The following TNIK variants were observed in gnomAD, a reference collection of about 807,000 sequenced individuals.
The protein encoded by TNIK is TRAF2 and NCK interacting kinase.
A neutral mutation model predicts 191.3 loss-of-function variants in TNIK; 49 were observed. That is an observed-to-expected ratio of 0.26 (90% CI 0.20 to 0.32). The LOEUF (loss-of-function observed/expected upper bound fraction) is 0.32, where lower values mean the gene tolerates loss of function less well. Among genes scored for constraint, TNIK ranks in the 10% least tolerant of loss-of-function variants. The pLI is 1.00. For synonymous variants in TNIK, 594 were observed against 600.9 expected (o/e 0.99, Z 0.17); for missense variants, 1,155 against 1,702.3 (o/e 0.68, Z 5.66).
chr3:171,149,889 G>A (rs1732199636), intron 12 of TNIK, among the ~76,000 whole-genome samples: 1 of 152,224 alleles, frequency 6.6e-6, no homozygotes, highest in African/African-American at 2.4e-5. Context: ...CTGCTCACAG[G>A]ACACACTGGG....
intron 9 of TNIK, among the ~76,000 whole-genome samples, chr3:171,168,916 A>C (rs1351610446): frequency 6.6e-6 from 1 of 152,218 alleles, no homozygotes; most frequent in Non-Finnish European, 1.5e-5. Context: ...GCCACCTTCA[A>C]GTCTGCACTT....
intron 32 of TNIK, among the ~76,000 whole-genome samples, chr3:171,065,286 C>T (rs945364212): frequency 6.6e-6 from 1 of 152,138 alleles, no homozygotes; most frequent in African/African-American, 2.4e-5. Flanking sequence ...TACTGTCCAC[C>T]CAGACCACAT....
chr3:171,333,595 A>G (rs1295347521), intron 2 of TNIK, among the ~76,000 whole-genome samples: 1 of 151,726 alleles, frequency 6.6e-6, no homozygotes, highest in Non-Finnish European at 1.5e-5. Flanking sequence ...AAAAAAAAAA[A>G]AAAAAAAAAC....
intron 7 of TNIK, among the ~76,000 whole-genome samples, chr3:171,180,130 G>A (rs1020555668): frequency 4.6e-5 from 7 of 152,138 alleles, no homozygotes; most frequent in Non-Finnish European, 2.9e-5. Context: ...TGATGGTTCT[G>A]GGGTAAGAAG....
At chr3:171,372,690 T>A (rs1440177806) in intron 1 of TNIK, among the ~76,000 whole-genome samples, 1 of 152,136 alleles carries the variant, frequency 6.6e-6, no homozygotes, top group Non-Finnish European at 1.5e-5. Flanking sequence ...CTGACACTGT[T>A]CAGCTGAGGA....
intron 12 of TNIK, among the ~76,000 whole-genome samples, chr3:171,141,929 G>C (rs1730900104): frequency 6.6e-6 from 1 of 152,212 alleles, no homozygotes; most frequent in Admixed American, 6.5e-5. Flanking sequence ...TGATAAGTTA[G>C]CTCTACACAA....
chr3:171,429,700 T>A (rs1725115223), intron 1 of TNIK, among the ~76,000 whole-genome samples: 1 of 152,202 alleles, frequency 6.6e-6, no homozygotes, highest in Non-Finnish European at 1.5e-5. Flanking sequence ...GCATTTTACA[T>A]TCTTACCTCC....
chr3:171,289,984 T>C (rs928660946), intron 2 of TNIK, among the ~76,000 whole-genome samples: 1 of 152,004 alleles, frequency 6.6e-6, no homozygotes, highest in African/African-American at 2.4e-5. Context: ...CTAGCTCTTC[T>C]AATACGATTC....
chr3:171,273,443 G>A (rs1416649139), intron 2 of TNIK, among the ~76,000 whole-genome samples: 1 of 152,110 alleles, frequency 6.6e-6, no homozygotes, highest in Non-Finnish European at 1.5e-5. Flanking sequence ...CTGGGGTAGG[G>A]GTGATGCAAG....
chr3:171,193,110 G>A (rs1019922775), intron 5 of TNIK, among the ~76,000 whole-genome samples: 1 of 152,126 alleles, frequency 6.6e-6, no homozygotes, highest in South Asian at 2.1e-4. Context: ...CACAGACCAG[G>A]TATCATCCAT....
intron 6 of TNIK, among the ~76,000 whole-genome samples, chr3:171,190,344 GA>G (rs1324878889): frequency 6.6e-6 from 1 of 152,016 alleles, no homozygotes; most frequent in African/African-American, 2.4e-5. Context: ...TATTTTAATG[GA>G]AAAAAATTGG....
chr3:171,329,749 T>C (rs1190263875), intron 2 of TNIK, among the ~76,000 whole-genome samples: 1 of 152,212 alleles, frequency 6.6e-6, no homozygotes, highest in African/African-American at 2.4e-5. Context: ...TAATTCATTT[T>C]TACAATATGA....
chr3:171,444,397 C>T (rs2108701683), intron 1 of TNIK, among the ~76,000 whole-genome samples: 1 of 152,114 alleles, frequency 6.6e-6, no homozygotes, highest in East Asian at 1.9e-4. Flanking sequence ...AGAAGTAGGG[C>T]TGAAAGAATT....
chr3:171,331,009 G>A (rs758143186), intron 2 of TNIK, among the ~76,000 whole-genome samples: 6 of 152,098 alleles, frequency 3.9e-5, no homozygotes, highest in East Asian at 1.9e-4. Flanking sequence ...TGCCCATTTC[G>A]CTTCTGTGAC....
intron 2 of TNIK, among the ~76,000 whole-genome samples, chr3:171,343,630 G>C (rs953182882): frequency 6.6e-6 from 1 of 152,204 alleles, no homozygotes; most frequent in African/African-American, 2.4e-5. Flanking sequence ...ACCTCTAGGT[G>C]AATGGGCATT....
At chr3:171,383,421 G>T (rs1044111324) in intron 1 of TNIK, among the ~76,000 whole-genome samples, 1 of 152,140 alleles carries the variant, frequency 6.6e-6, no homozygotes, top group African/African-American at 2.4e-5. Context: ...ATTGGGCAAC[G>T]TTCTCTGACT....
intron 5 of TNIK, among the ~76,000 whole-genome samples, chr3:171,192,835 A>C (rs1018309494): frequency 6.6e-6 from 1 of 152,240 alleles, no homozygotes; most frequent in African/African-American, 2.4e-5. Flanking sequence ...ATCAGCAGCC[A>C]GGCCTCCTTG....
intron 2 of TNIK, among the ~76,000 whole-genome samples, chr3:171,349,946 T>G (rs1010179032): frequency 6.6e-6 from 1 of 152,160 alleles, no homozygotes; most frequent in African/African-American, 2.4e-5. Context: ...CTTAAGTTGT[T>G]TTTAGTGGCC....
At chr3:171,295,865 A>G (rs1367936641) in intron 2 of TNIK, among the ~76,000 whole-genome samples, 3 of 152,104 alleles carry the variant, frequency 2.0e-5, no homozygotes, top group Admixed American at 1.3e-4. Flanking sequence ...AGCTCTTTAA[A>G]AGCAGGACAT....
Sources: gnomAD v4.1 joint callset for allele counts (sites outside exome capture counted in the v4.1 genomes callset) on GRCh38, gnomAD v4.1.1 for gene constraint, MANE v1.5 for transcripts, NCBI Gene and HGNC (gene_info 2026-07-23, HGNC 2026-07-21) for gene names.